Variants in MICALL1 observed in about 807,000 individuals in gnomAD.
The protein encoded by MICALL1 is MICAL-like protein 1.
MICALL1 carries 61 observed loss-of-function variants against 83.7 expected under a neutral mutation model. The observed-to-expected ratio is 0.73, with a 90% confidence interval of 0.59 to 0.90. The LOEUF (loss-of-function observed/expected upper bound fraction) is 0.90. MICALL1 is among the 40% of genes least tolerant of loss of function. The pLI is 0.00. For missense variants in MICALL1, 1,066 were observed against 1,152.0 expected (o/e 0.93, Z 1.08); for synonymous variants, 481 against 473.6 (o/e 1.02, Z -0.20).
At chr22:37,936,290 C>T (rs1282681322) in intron 13 of MICALL1, among the ~76,000 whole-genome samples, 1 of 152,192 alleles carries the variant, frequency 6.6e-6, no homozygotes, top group Non-Finnish European at 1.5e-5. Flanking sequence ...TACCTTCCTC[C>T]ACAGCCTTGG....
rs1287494179 is a variant in MICALL1, at chr22:37,922,289, C to T, written c.887C>T (p.Pro296Leu). The stretch of plus-strand genomic sequence containing the variant: ...GGCAAACTACAGGAGCTGGCCAGCC[C>T]CCCTGCGGGCCGCCCCACCCCTGCC... ...VPGKLQELAS[P>L]PAGRPTPAPR... Residue 296 changes from proline to leucine, a missense_variant, in exon 6 of 16, where the codon CCC becomes CTC. Coordinates refer to ENST00000215957, the MANE Select transcript of MICALL1 (RefSeq NM_033386.4). 4 of 1,554,822 alleles carry T rather than the reference C, an allele frequency of 2.6e-6. No homozygotes were observed. The highest frequency in any genetic ancestry group is 3.5e-4 in the Middle Eastern group (2 of 5,642).
intron 7 of MICALL1, among the ~76,000 whole-genome samples, chr22:37,925,260 C>T (rs185096703): frequency 7.2e-5 from 11 of 152,252 alleles, no homozygotes; most frequent in African/African-American, 2.6e-4. Context: ...TGCCCCAGTG[C>T]CCCGCCCAGT....
intron 7 of MICALL1, 99 bp from the exon 8 acceptor site, chr22:37,925,562 C>T (rs1043511422): frequency 2.6e-6 from 2 of 763,022 alleles, no homozygotes; most frequent in African/African-American, 3.5e-5. Flanking sequence ...AGCCGTTTCT[C>T]ATCCACCCCC....
At chr22:37,940,578 C>A in intron 15 of MICALL1, 131 bp from the exon 16 acceptor site, 1 of 1,110,150 alleles carries the variant, frequency 9.0e-7, no homozygotes, top group African/African-American at 1.6e-5. Context: ...CCCTCCCAGG[C>A]TCCACACAGG....
At chr22:37,914,290 G>A (rs927399857) in intron 3 of MICALL1, among the ~76,000 whole-genome samples, 23 of 151,132 alleles carry the variant, frequency 1.5e-4, no homozygotes, top group Admixed American at 2.6e-4. Context: ...GCAATGGCGC[G>A]GTCTCAGCTC....
intron 3 of MICALL1, among the ~76,000 whole-genome samples, chr22:37,916,300 C>T (rs1928672421): frequency 6.6e-6 from 1 of 152,194 alleles, no homozygotes; most frequent in Non-Finnish European, 1.5e-5. Flanking sequence ...TTTTCAGCCT[C>T]GCAATGTATT....
At position 37,926,006 on chromosome 22, in the gene MICALL1, G is replaced by A. The variant is rs1929414100; in HGVS notation, c.1428G>A (p.Lys476=). 6.2e-7 allele frequency: 1 copy of A among 1,613,244 alleles called. No individual in the cohort carries two copies. The highest frequency in any genetic ancestry group is 1.3e-5 in the African/African-American group (1 of 75,026). The change falls in exon 8 of 16, where the codon AAG becomes AAA. Residue 476 remains lysine, a synonymous_variant. Coordinates refer to ENST00000215957, the MANE Select transcript of MICALL1 (RefSeq NM_033386.4). The part of the protein sequence containing the change: ...ITPTSSPKTK[K]RPAPRAPSAS... The stretch of plus-strand genomic sequence containing the variant: ...CTACCAGCAGCCCCAAGACAAAGAA[G>A]CGCCCTGCCCCGCGCGCACCCAGCG...
intron 15 of MICALL1, among the ~76,000 whole-genome samples, chr22:37,938,225 AC>A (rs1264312287): frequency 6.6e-6 from 1 of 151,664 alleles, no homozygotes; most frequent in African/African-American, 2.4e-5. Flanking sequence ...ACACGGTGAA[AC>A]CCCGTCTCTA....
chr22:37,928,239 C>T (rs1929595727), intron 9 of MICALL1, among the ~76,000 whole-genome samples: 1 of 151,800 alleles, frequency 6.6e-6, no homozygotes, highest in Non-Finnish European at 1.5e-5. Flanking sequence ...CGGAGTCTCG[C>T]TCTATCACCC....
At chr22:37,929,462 C>G (rs1274591599) in intron 9 of MICALL1, among the ~76,000 whole-genome samples, 1 of 152,182 alleles carries the variant, frequency 6.6e-6, no homozygotes, top group Non-Finnish European at 1.5e-5. Flanking sequence ...GGACCCAGGA[C>G]ACACAGCTTT....
At chr22:37,916,336 C>A (rs1391483497) in intron 3 of MICALL1, among the ~76,000 whole-genome samples, 1 of 152,172 alleles carries the variant, frequency 6.6e-6, no homozygotes, top group African/African-American at 2.4e-5. Flanking sequence ...ATAAATCTGC[C>A]TTTTGTAATA....
At chr22:37,929,769 C>G (rs1321207038) in intron 9 of MICALL1, among the ~76,000 whole-genome samples, 1 of 152,214 alleles carries the variant, frequency 6.6e-6, no homozygotes, top group African/African-American at 2.4e-5. Flanking sequence ...TTTGGATGGC[C>G]CAACGCTCTG....
chr22:37,925,682 C>A lies in MICALL1; in HGVS notation c.1104C>A (p.Asp368Glu), dbSNP rs765773602. The A allele has an allele frequency of 1.6e-5, 26 of 1,604,614 alleles. No homozygotes were observed. Among genetic ancestry groups the A allele is most frequent in the Non-Finnish European group, 2.0e-5 (24 of 1,175,560 alleles). Residue 368 changes from aspartate (D) to glutamate (E), a missense_variant, in exon 8 of 16, where the codon GAC becomes GAA. Asp to Glu is a conservative substitution (Grantham distance 45). Transcript: ENST00000215957. ...PSEGTPAPRK[D>E]PPWITLVQAE... ...CCAGGACACCAGCCCCCAGGAAGGA[C>A]CCCCCATGGATCACGCTGGTGCAGG... is the stretch of plus-strand genomic sequence containing the variant.
At chr22:37,911,595 AT>A (rs1928325535) in intron 1 of MICALL1, among the ~76,000 whole-genome samples, 1 of 152,184 alleles carries the variant, frequency 6.6e-6, no homozygotes, top group East Asian at 1.9e-4. Flanking sequence ...GGTCTTAGTT[AT>A]GTCTTTGCCA....
rs570443184 is a variant in MICALL1 at position 37,914,719 on chromosome 22, C to G, written c.337+2227C>G. On this transcript the variant is annotated intron_variant, in intron 3 of 15. Coordinates refer to ENST00000215957, the MANE Select transcript of MICALL1 (RefSeq NM_033386.4). The stretch of plus-strand genomic sequence containing the variant: ...GCAGTGGCATGATCACAGCTCAATG[C>G]GTCCTCAACCTTCCTGGGCTGCGGT... Among the ~76,000 whole-genome samples, 18 of 151,872 alleles carry G rather than the reference C, an allele frequency of 1.2e-4. No homozygotes were observed. In the East Asian group the frequency reaches 2.5e-3, roughly 21 times the overall value.
At chr22:37,919,966 G>A (rs938747195) in intron 5 of MICALL1, among the ~76,000 whole-genome samples, 4 of 151,942 alleles carry the variant, frequency 2.6e-5, no homozygotes, top group South Asian at 2.1e-4. Context: ...CAGCCTGGGC[G>A]ACAGAACGAG....
At chr22:37,936,938 G>T in intron 13 of MICALL1, 142 bp from the exon 14 acceptor site, 1 of 636,820 alleles carries the variant, frequency 1.6e-6, no homozygotes, top group East Asian at 2.9e-5. Context: ...CACCTATCGG[G>T]GCCCTTCCTT....
chr22:37,909,492 G>A (rs1411894189), intron 1 of MICALL1, among the ~76,000 whole-genome samples: 1 of 152,030 alleles, frequency 6.6e-6, no homozygotes, highest in African/African-American at 2.4e-5. Flanking sequence ...CCGAGTAGCT[G>A]GGACTACAGG....
At chr22:37,912,949 C>G (rs1438226003) in intron 3 of MICALL1, among the ~76,000 whole-genome samples, 1 of 150,626 alleles carries the variant, frequency 6.6e-6, no homozygotes, top group Non-Finnish European at 1.5e-5. Flanking sequence ...GCGTGAGCCA[C>G]TGTGCCCAGT....
Sources: allele counts gnomAD v4.1 joint callset (sites outside exome capture counted in the v4.1 genomes callset), GRCh38; gene constraint gnomAD v4.1.1; transcripts MANE v1.5; gene names NCBI Gene and HGNC (gene_info 2026-07-23, HGNC 2026-07-21).